LRIG2: variants seen among roughly 807,000 people sequenced by gnomAD.
LRIG2 encodes the protein leucine-rich repeats and immunoglobulin-like domains protein 2.
Under a neutral mutation model 107.8 loss-of-function variants are expected in LRIG2, and 93 were observed. The observed-to-expected ratio is 0.86, with a 90% CI of 0.73 to 1.03. The LOEUF (loss-of-function observed/expected upper bound fraction) is 1.03. LRIG2 is among the 50% of genes least tolerant of loss of function. The pLI, the probability that LRIG2 is intolerant of heterozygous loss-of-function variation, is 0.00. For missense variants in LRIG2, 1,226 were observed against 1,296.0 expected, an observed-to-expected ratio of 0.95 and a Z score of 0.83; for synonymous variants, 471 against 470.6, an observed-to-expected ratio of 1.00 and a Z score of -0.01.
rs189530129 is a variant in LRIG2, at chr1:113,122,318, C to G, written c.2972-1557C>G. Reference sequence around the variant, plus strand: ...GCCAGGCTGGTCTCAAACTCCTGACCTCAGGTGATCCACCCACCTCAGCCT... The same window carrying G: ...GCCAGGCTGGTCTCAAACTCCTGACGTCAGGTGATCCACCCACCTCAGCCT... On this transcript the variant is annotated intron_variant, in intron 17 of 17. Transcript: ENST00000361127. Among the ~76,000 whole-genome samples, 343 of 152,060 alleles carry G rather than the reference C, an allele frequency of 2.3e-3. 1 individual carries two copies. The highest frequency in any genetic ancestry group is 7.9e-3 in the African/African-American group (328 of 41,502).
At chr1:113,120,195 A>T (rs911291914) in intron 17 of LRIG2, among the ~76,000 whole-genome samples, 2 of 151,854 alleles carry the variant, frequency 1.3e-5, no homozygotes, top group Non-Finnish European at 2.9e-5. Flanking sequence ...CACGCCTGTA[A>T]TCTTAGCACT....
intron 1 of LRIG2, among the ~76,000 whole-genome samples, chr1:113,082,997 C>T (rs1264788817): frequency 1.3e-5 from 2 of 151,800 alleles, no homozygotes; most frequent in Non-Finnish European, 2.9e-5. Flanking sequence ...CAGCCTCAAC[C>T]TCCCTGGGCT....
In LRIG2 at chr1:113,119,260, C is replaced by G; in HGVS notation, c.2708C>G (p.Ser903Ter). 6.2e-7 allele frequency: 1 copy of G among 1,613,414 alleles called. No homozygotes were observed. Among genetic ancestry groups the G allele is most frequent in the African/African-American group, 1.3e-5 (1 of 75,006 alleles). ...DGGTGTRVIC[S>*]DCYDNANIYS... ...GGCACTGGTACCCGGGTGATTTGCT[C>G]AGATTGTTATGACAATGCCAACATC... Residue 903 changes from serine to a stop codon, truncating the protein, a stop_gained, in exon 17 of 18, where the codon TCA becomes TGA. Transcript: ENST00000361127. LOFTEE classifies it high-confidence loss of function.
In LRIG2 at chr1:113,112,476, CAG is replaced by C. The variant is rs1570764426; in HGVS notation, c.1800_1801del. The C allele has an allele frequency of 1.9e-6, 3 of 1,593,548 alleles. No homozygotes were observed. Among genetic ancestry groups the C allele is most frequent in the Non-Finnish European group, 2.6e-6 (3 of 1,165,392 alleles). On this transcript the variant is annotated splice_acceptor_variant, in intron 13 of 17. Transcript: ENST00000361127. LOFTEE classifies it high-confidence loss of function. ...TTTTTCTTGGTGATTTTTCTGGAAA[CAG>C]AGATGCCATCTTTTCTGAAAACGCC...
intron 8 of LRIG2, among the ~76,000 whole-genome samples, 160 bp from the exon 9 acceptor site, chr1:113,098,545 T>A (rs1018230756): frequency 3.3e-5 from 5 of 152,208 alleles, no homozygotes; most frequent in Admixed American, 3.3e-4. Context: ...TTATTACAGA[T>A]ATTTCTTAAG....
At chr1:113,112,822 T>G in intron 14 of LRIG2, 62 bp downstream of exon 14, 1 of 1,449,944 alleles carries the variant, frequency 6.9e-7, no homozygotes. Context: ...ACTCTTGGTC[T>G]TAATGAGCAA....
At chr1:113,089,676 C>CTTTTTTTTTT (rs35515644) in intron 1 of LRIG2, among the ~76,000 whole-genome samples, 17 of 71,672 alleles carry the variant, frequency 2.4e-4, no homozygotes, top group East Asian at 5.1e-4. Flanking sequence ...AGGTGGATTG[C>CTTTTTTTTTT]TTTTTTTTTT....
intron 1 of LRIG2, among the ~76,000 whole-genome samples, chr1:113,090,798 A>G (rs1285951458): frequency 6.6e-6 from 1 of 151,334 alleles, no homozygotes; most frequent in Non-Finnish European, 1.5e-5. Flanking sequence ...AGATTGCGCC[A>G]CTGTACTCCA....
intron 15 of LRIG2, among the ~76,000 whole-genome samples, chr1:113,115,911 G>A (rs1313988550): frequency 6.6e-6 from 1 of 152,210 alleles, no homozygotes; most frequent in Non-Finnish European, 1.5e-5. Context: ...GTAAGGAAGA[G>A]TGGAGCCCTT....
chr1:113,120,798 C>T lies in LRIG2; in HGVS notation c.2971+1275C>T, dbSNP rs1655215277. Among the ~76,000 whole-genome samples the T allele has an allele frequency of 2.0e-5, 3 of 151,848 alleles. No individual in the cohort carries two copies. In the South Asian group the frequency reaches 6.2e-4, roughly 32 times the overall value. The stretch of plus-strand genomic sequence containing the variant: ...GTGCTGGGATTACAGGCATGAGCCA[C>T]TGTGCCCGGCCTACTGAGAAGTTTT... On this transcript the variant is annotated intron_variant, in intron 17 of 17. Transcript: ENST00000361127.
At chr1:113,114,344 C>A (rs1654902292) in intron 14 of LRIG2, 83 bp from the exon 15 acceptor site, 1 of 761,382 alleles carries the variant, frequency 1.3e-6, no homozygotes, top group Non-Finnish European at 2.1e-6. Context: ...TTTATTATAC[C>A]CCCATTGGTC....
chr1:113,086,850 A>G (rs1212559805), intron 1 of LRIG2, among the ~76,000 whole-genome samples: 1 of 152,216 alleles, frequency 6.6e-6, no homozygotes, highest in Non-Finnish European at 1.5e-5. Context: ...CTCTGTCATC[A>G]TATCTATAAA....
intron 1 of LRIG2, among the ~76,000 whole-genome samples, chr1:113,089,674 TGC>T (rs1377484252): frequency 1.7e-5 from 2 of 116,120 alleles, no homozygotes; most frequent in African/African-American, 2.9e-5. Flanking sequence ...GAAGGTGGAT[TGC>T]TTTTTTTTTT....
chr1:113,073,722 A>C, intron 1 of LRIG2, 77 bp downstream of exon 1: 1 of 1,350,246 alleles, frequency 7.4e-7, no homozygotes, highest in Middle Eastern at 2.0e-4. Flanking sequence ...GGAGGGAGAC[A>C]GGCCTGGTCG....
intron 1 of LRIG2, among the ~76,000 whole-genome samples, chr1:113,085,366 C>G (rs1653500208): frequency 6.6e-6 from 1 of 152,162 alleles, no homozygotes; most frequent in Admixed American, 6.5e-5. Context: ...TCACCGCAAC[C>G]TCCGCCTCCC....
intron 14 of LRIG2, among the ~76,000 whole-genome samples, chr1:113,113,688 G>C (rs1177812056): frequency 3.3e-5 from 5 of 151,782 alleles, no homozygotes; most frequent in South Asian, 2.1e-4. Flanking sequence ...TCAGCCTCCT[G>C]AGTAGCTGGT....
At chr1:113,119,179 GC>G (rs1655135812) in intron 16 of LRIG2, 53 bp from the exon 17 acceptor site, 1 of 1,541,240 alleles carries the variant, frequency 6.5e-7, no homozygotes, top group East Asian at 2.3e-5. Flanking sequence ...CTGACGATTG[GC>G]AAAAAATAAT....
intron 10 of LRIG2, 25 bp downstream of exon 10, chr1:113,100,307 T>C: frequency 6.4e-7 from 1 of 1,559,350 alleles, no homozygotes; most frequent in African/African-American, 1.4e-5. Flanking sequence ...TACATTTTGC[T>C]TACTCTATAA....
Position 113,124,092 on chromosome 1 carries a change from G to A in LRIG2, c.3189G>A (p.Glu1063=), listed in dbSNP as rs137940026. The change falls in exon 18 of 18, where the codon GAG becomes GAA. Residue 1063 remains glutamate (E), a synonymous_variant. Coordinates refer to ENST00000361127, the MANE Select transcript of LRIG2 (RefSeq NM_014813.3). ...SRTRNIQDGS[E]GT is the part of the protein sequence containing the mutation. ...CTCGGAACATTCAAGATGGTAGTGA[G>A]GGCACATGAAACTCACTTCAGGATG... 3 of 1,613,958 alleles carry A rather than the reference G, an allele frequency of 1.9e-6. No homozygotes were observed. Among genetic ancestry groups the A allele is most frequent in the Non-Finnish European group, 2.5e-6 (3 of 1,179,920 alleles).
Sources: gnomAD v4.1 joint callset for allele counts (sites outside exome capture counted in the v4.1 genomes callset) on GRCh38, gnomAD v4.1.1 for gene constraint, MANE v1.5 for transcripts, NCBI Gene and HGNC (gene_info 2026-07-23, HGNC 2026-07-21) for gene names.